NCOA3: variants seen among roughly 807,000 people sequenced by gnomAD.
The protein encoded by NCOA3 is nuclear receptor coactivator 3.
Under a neutral mutation model 158.8 loss-of-function variants are expected in NCOA3, and 51 were observed. That is an observed-to-expected ratio of 0.32 (90% CI 0.26 to 0.41). NCOA3 has a LOEUF of 0.41. NCOA3 is among the 10% of genes least tolerant of loss of function. The probability of loss-of-function intolerance (pLI) is 1.00; values close to 1 mark genes in which losing one functional copy is unlikely to be tolerated. For synonymous variants in NCOA3, 537 were observed against 592.4 expected (o/e 0.91, Z 1.36); for missense variants, 1,510 against 1,746.6 (o/e 0.86, Z 2.41).
intron 2 of NCOA3, among the ~76,000 whole-genome samples, chr20:47,585,045 A>ATTT (rs2085513439): frequency 2.0e-5 from 2 of 99,598 alleles, no homozygotes; most frequent in Non-Finnish European, 4.1e-5. Flanking sequence ...CCCTTTCTTA[A>ATTT]CTTTTTTTTT....
At chr20:47,549,391 A>G (rs769156361) in intron 1 of NCOA3, among the ~76,000 whole-genome samples, 1 of 151,446 alleles carries the variant, frequency 6.6e-6, no homozygotes, top group South Asian at 2.1e-4. Context: ...GCTGGGCATG[A>G]TGTGGTTAAA....
At chr20:47,553,372 CT>C (rs2084951719) in intron 1 of NCOA3, among the ~76,000 whole-genome samples, 1 of 151,974 alleles carries the variant, frequency 6.6e-6, no homozygotes, top group Non-Finnish European at 1.5e-5. Context: ...GATCAAGATA[CT>C]TTTACACTCT....
At chr20:47,563,830 A>G (rs928823246) in intron 1 of NCOA3, among the ~76,000 whole-genome samples, 1 of 148,454 alleles carries the variant, frequency 6.7e-6, no homozygotes, top group Non-Finnish European at 1.5e-5. Context: ...CGGAGCTTGC[A>G]GTGAGCCAAG....
rs2086253686 is a variant in NCOA3, at chr20:47,622,272, G to C, written c.25G>C (p.Asp9His). MSGLGENL[D>H]PLASDSRKRK... is the part of the protein sequence containing the mutation. ...GATGAGTGGATTAGGAGAAAACTTG[G>C]ATCCACTGGCCAGTGATTCACGAAA... Residue 9 changes from aspartate (D) to histidine (H), a missense_variant, in exon 3 of 23, where the codon GAT (aspartate) becomes CAT (histidine). By Grantham distance (81) the Asp-to-His change is moderately conservative. Coordinates refer to ENST00000371998, the MANE Select transcript of NCOA3 (RefSeq NM_181659.3). The C allele has an allele frequency of 1.2e-6, 2 of 1,606,664 alleles. No individual in the cohort carries two copies. Among genetic ancestry groups the C allele is most frequent in the Non-Finnish European group, 1.7e-6 (2 of 1,177,116 alleles).
intron 1 of NCOA3, among the ~76,000 whole-genome samples, chr20:47,531,301 C>T (rs1199771383): frequency 2.0e-5 from 3 of 152,054 alleles, no homozygotes; most frequent in Non-Finnish European, 4.4e-5. Context: ...CGAGATTGTG[C>T]CACTGTACTC....
At chr20:47,604,699 A>G (rs1238304659) in intron 2 of NCOA3, among the ~76,000 whole-genome samples, 1 of 152,156 alleles carries the variant, frequency 6.6e-6, no homozygotes, top group Non-Finnish European at 1.5e-5. Context: ...CAGCTTTCCA[A>G]AGTGCTGGCA....
In NCOA3 at chr20:47,649,003, A is replaced by G. The variant is rs2086736804; in HGVS notation, c.3547-2A>G. 1 of 1,606,396 alleles carries G rather than the reference A, an allele frequency of 6.2e-7. No homozygotes were observed. The highest frequency in any genetic ancestry group is 1.1e-5 in the South Asian group (1 of 90,768). ...CATTCTAACCAACTTGTCTCACCTC[A>G]GTTTTTGAATCAGAGCCGACAGGCA... On this transcript the variant is annotated splice_acceptor_variant, in intron 18 of 22. Transcript: ENST00000371998. LOFTEE classifies it high-confidence loss of function.
chr20:47,653,772 AGGT>A lies in NCOA3; in HGVS notation c.*358_*360del. On this transcript the variant is annotated 3_prime_UTR_variant, in exon 23 of 23. Coordinates refer to ENST00000371998, the MANE Select transcript of NCOA3 (RefSeq NM_181659.3). Reference sequence around the variant, plus strand: ...TAGCCAAAATCTCTTAAATACACGTAGGTGGGCCAGAGAACATTGGAAGAATCA... The same window carrying A: ...TAGCCAAAATCTCTTAAATACACGTAGGGCCAGAGAACATTGGAAGAATCA... 1 of 304,314 alleles carries A rather than the reference AGGT, an allele frequency of 3.3e-6. No individual in the cohort carries two copies. Among genetic ancestry groups the A allele is most frequent in the Non-Finnish European group, 6.0e-6 (1 of 165,412 alleles). 18.9% of individuals were successfully genotyped at this position (304,314 alleles called of 1,614,324 possible).
chr20:47,651,361 C>T, intron 20 of NCOA3, 85 bp downstream of exon 20: 1 of 1,511,420 alleles, frequency 6.6e-7, no homozygotes. Flanking sequence ...ACATGAAAGA[C>T]AAAAACACGA....
intron 3 of NCOA3, 124 bp downstream of exon 3, chr20:47,622,454 T>TA (rs769601107): frequency 3.4e-5 from 21 of 624,200 alleles, no homozygotes; most frequent in Non-Finnish European, 5.5e-5. Flanking sequence ...TCGTGGTAAG[T>TA]AGAGTGTTAC....
At position 47,509,177 on chromosome 20, in the gene NCOA3, C is replaced by A. The variant is rs967029154; in HGVS notation, c.-99+7158C>A. Among the ~76,000 whole-genome samples the A allele has an allele frequency of 2.6e-5, 4 of 152,002 alleles. No individual in the cohort carries two copies. The East Asian group carries it at 7.7e-4, about 29-fold the overall frequency. On this transcript the variant is annotated intron_variant, in intron 1 of 22. Transcript: ENST00000371998. ...ACTTTGAGAGGAGGATCACTTGAGC[C>A]CAGGAATTTGAGACCAGCCTGGGCA...
At chr20:47,600,494 G>C (rs1339882115) in intron 2 of NCOA3, among the ~76,000 whole-genome samples, 1 of 149,534 alleles carries the variant, frequency 6.7e-6, no homozygotes, top group African/African-American at 2.4e-5. Flanking sequence ...AATTTTAAAA[G>C]CTTAAATGTG....
At chr20:47,639,553 CCT>C (rs1180568114) in intron 14 of NCOA3, 22 bp from the exon 15 acceptor site, 1 of 1,611,348 alleles carries the variant, frequency 6.2e-7, no homozygotes, top group African/African-American at 1.3e-5. Context: ...ATGGAAAAGA[CCT>C]AAGTATGGCT....
chr20:47,607,037 A>G (rs1487251883), intron 2 of NCOA3, among the ~76,000 whole-genome samples: 2 of 152,244 alleles, frequency 1.3e-5, no homozygotes, highest in Non-Finnish European at 2.9e-5. Flanking sequence ...TCAGTGAACC[A>G]GTATTATCTA....
intron 1 of NCOA3, among the ~76,000 whole-genome samples, chr20:47,551,592 AAG>A (rs2084927872): frequency 6.6e-6 from 1 of 152,230 alleles, no homozygotes; most frequent in Admixed American, 6.5e-5. Flanking sequence ...TTCTTTATGA[AAG>A]TGCAGGCTGG....
At chr20:47,502,148 C>T (rs567147481) in intron 1 of NCOA3, 129 bp downstream of exon 1, 4 of 397,382 alleles carry the variant, frequency 1.0e-5, no homozygotes, top group African/African-American at 6.2e-5. Context: ...GAGGGGCGCG[C>T]CGGCCGGGGG....
chr20:47,651,859 G>T (rs1348209027), intron 20 of NCOA3, among the ~76,000 whole-genome samples: 4 of 151,652 alleles, frequency 2.6e-5, no homozygotes, highest in Non-Finnish European at 4.4e-5. Flanking sequence ...ATAGAGACGG[G>T]GTTTCACTGT....
At chr20:47,643,480 CTTT>C (rs1735974501) in intron 17 of NCOA3, among the ~76,000 whole-genome samples, 1 of 152,162 alleles carries the variant, frequency 6.6e-6, no homozygotes, top group South Asian at 2.1e-4. Flanking sequence ...TATAGAAGTT[CTTT>C]TTTATTTCTT....
intron 19 of NCOA3, among the ~76,000 whole-genome samples, chr20:47,649,330 G>A (rs553366539): frequency 1.3e-5 from 2 of 152,284 alleles, no homozygotes; most frequent in African/African-American, 4.8e-5. Flanking sequence ...TAAAACCATC[G>A]ATTAGTGTTT....
Sources: allele counts gnomAD v4.1 joint callset (sites outside exome capture counted in the v4.1 genomes callset), GRCh38; gene constraint gnomAD v4.1.1; transcripts MANE v1.5; gene names NCBI Gene and HGNC (gene_info 2026-07-23, HGNC 2026-07-21).